Variants in MAGI1 observed in about 807,000 individuals in gnomAD.
The protein encoded by MAGI1 is membrane associated guanylate kinase, WW and PDZ domain containing 1, also known as membrane-associated guanylate kinase, WW and PDZ domain-containing protein 1.
MAGI1 carries 58 observed loss-of-function variants against 139.9 expected under a neutral mutation model. That is an observed-to-expected ratio of 0.41 (90% CI 0.34 to 0.52). The LOEUF is 0.52. Ranked by LOEUF, MAGI1 falls within the 20% of genes least tolerant of loss-of-function variation. The pLI is 0.12. For synonymous variants in MAGI1, 812 were observed against 737.9 expected (o/e 1.10, Z -1.63); for missense variants, 1,874 against 1,901.6 (o/e 0.99, Z 0.27).
intron 2 of MAGI1, among the ~76,000 whole-genome samples, chr3:65,524,015 T>C (rs2078276358): frequency 6.6e-6 from 1 of 151,428 alleles, no homozygotes; most frequent in African/African-American, 2.4e-5. Context: ...CAATGAAACT[T>C]TGAAAAGGGA....
intron 1 of MAGI1, among the ~76,000 whole-genome samples, chr3:65,707,775 C>A (rs2030624245): frequency 2.0e-5 from 3 of 151,568 alleles, no homozygotes; most frequent in Admixed American, 2.0e-4. Flanking sequence ...GATATTTCAC[C>A]AACTATGGAT....
At position 65,561,402 on chromosome 3, in the gene MAGI1, G is replaced by A. The variant is rs77021518; in HGVS notation, c.430+60570C>T. Among the ~76,000 whole-genome samples the A allele has an allele frequency of 2.6e-3, 402 of 152,198 alleles. 2 individuals are homozygous for A. The highest frequency in any genetic ancestry group is 8.4e-3 in the African/African-American group (350 of 41,532). ...ACTAAGGAGGGGATTATTTGCAAAG[G>A]CTTGAGCCTTAAGGAACGAAACCCA... On this transcript the variant is annotated intron_variant, in intron 2 of 22. Transcript: ENST00000402939.
intron 2 of MAGI1, among the ~76,000 whole-genome samples, chr3:65,576,708 C>T (rs546514572): frequency 6.6e-6 from 1 of 152,132 alleles, no homozygotes; most frequent in East Asian, 1.9e-4. Context: ...CAGGAAGCCT[C>T]CTATTGACTA....
chr3:65,738,387 G>C (rs1450573852), intron 1 of MAGI1, among the ~76,000 whole-genome samples: 1 of 152,154 alleles, frequency 6.6e-6, no homozygotes, highest in East Asian at 1.9e-4. Context: ...TGTATTGCCA[G>C]GCTGCACTGA....
At chr3:65,739,997 G>A (rs1057309464) in intron 1 of MAGI1, among the ~76,000 whole-genome samples, 19 of 7,420 alleles carry the variant, frequency 2.6e-3, no homozygotes, top group African/African-American at 3.2e-3. Flanking sequence ...CCTTCAAGTT[G>A]TAAAAAAAAA....
At chr3:65,532,382 T>C (rs954746769) in intron 2 of MAGI1, among the ~76,000 whole-genome samples, 3 of 152,182 alleles carry the variant, frequency 2.0e-5, no homozygotes, top group African/African-American at 7.2e-5. Flanking sequence ...ATCTCCAACA[T>C]TCATTCTCCC....
At chr3:65,629,357 T>C (rs77038612) in intron 1 of MAGI1, among the ~76,000 whole-genome samples, 7,942 of 152,278 alleles carry the variant, frequency 0.052, 421 homozygotes, top group African/African-American at 0.13. Context: ...AAGAATGGTA[T>C]TTCATTACAA....
At chr3:66,035,179 C>T (rs2068849437) in intron 1 of MAGI1, among the ~76,000 whole-genome samples, 1 of 152,168 alleles carries the variant, frequency 6.6e-6, no homozygotes, top group Admixed American at 6.5e-5. Flanking sequence ...TAAAATGAAC[C>T]AAGTCCAACC....
chr3:65,562,032 T>C (rs1282195689), intron 2 of MAGI1, among the ~76,000 whole-genome samples: 1 of 152,226 alleles, frequency 6.6e-6, no homozygotes, highest in Non-Finnish European at 1.5e-5. Flanking sequence ...ATTATAATTG[T>C]TCTATTTTAT....
chr3:65,679,346 C>T (rs2087415260), intron 1 of MAGI1, among the ~76,000 whole-genome samples: 1 of 152,126 alleles, frequency 6.6e-6, no homozygotes, highest in African/African-American at 2.4e-5. Context: ...CTGACATTTC[C>T]TAAGGATTCT....
intron 4 of MAGI1, 145 bp downstream of exon 4, chr3:65,478,447 T>C (rs1232561487): frequency 1.4e-6 from 1 of 716,086 alleles, no homozygotes. Flanking sequence ...CCATCTCTTC[T>C]GCAAGCACTG....
At chr3:65,576,484 C>T (rs17432674) in intron 2 of MAGI1, among the ~76,000 whole-genome samples, 103 of 152,276 alleles carry the variant, frequency 6.8e-4, no homozygotes, top group African/African-American at 2.3e-3. Flanking sequence ...ATGGTGAACC[C>T]GCTCTGCCAT....
At chr3:65,597,928 G>T (rs777646686) in intron 2 of MAGI1, 24 of 353,072 alleles carry the variant, frequency 6.8e-5, no homozygotes, top group Non-Finnish European at 6.1e-5. Context: ...GCGGGGGTGG[G>T]GGGGGGGTGG....
At chr3:65,381,130 T>A (rs562852577) in intron 16 of MAGI1, among the ~76,000 whole-genome samples, 2 of 152,172 alleles carry the variant, frequency 1.3e-5, no homozygotes, top group Admixed American at 1.3e-4. Flanking sequence ...AACCAAGGTG[T>A]GTTCAACGTG....
intron 1 of MAGI1, among the ~76,000 whole-genome samples, chr3:65,622,468 T>A (rs57913987): frequency 0.032 from 4,813 of 152,338 alleles, 110 homozygotes; most frequent in Middle Eastern, 0.065. Context: ...TCATAAAATG[T>A]TCTTTGACCA....
chr3:65,530,481 G>T (rs527492678), intron 2 of MAGI1, among the ~76,000 whole-genome samples: 58 of 151,634 alleles, frequency 3.8e-4, no homozygotes, highest in African/African-American at 1.4e-3. Flanking sequence ...GGGTGTGGTG[G>T]TGTGTGCCTG....
chr3:65,605,241 G>C (rs940667931), intron 2 of MAGI1, among the ~76,000 whole-genome samples: 1 of 152,138 alleles, frequency 6.6e-6, no homozygotes, highest in Non-Finnish European at 1.5e-5. Flanking sequence ...AACCTGTGCT[G>C]GTATCATCCT....
At chr3:65,920,424 C>T (rs1270523750) in intron 1 of MAGI1, among the ~76,000 whole-genome samples, 7 of 152,106 alleles carry the variant, frequency 4.6e-5, no homozygotes, top group African/African-American at 1.4e-4. Context: ...ACACAAACAC[C>T]GTATGAATTT....
intron 6 of MAGI1, among the ~76,000 whole-genome samples, chr3:65,452,219 C>A (rs1949074948): frequency 1.3e-5 from 2 of 152,194 alleles, no homozygotes; most frequent in East Asian, 1.9e-4. Context: ...CAGATAAATA[C>A]CAACACAATA....
Sources: gnomAD v4.1 joint callset for allele counts (sites outside exome capture counted in the v4.1 genomes callset) on GRCh38, gnomAD v4.1.1 for gene constraint, MANE v1.5 for transcripts, NCBI Gene and HGNC (gene_info 2026-07-23, HGNC 2026-07-21) for gene names.